The following PIP4K2A variants were observed in gnomAD, a reference collection of about 807,000 sequenced individuals.
PIP4K2A encodes the protein phosphatidylinositol 5-phosphate 4-kinase type-2 alpha.
In PIP4K2A, 14 loss-of-function variants were observed where a neutral mutation model predicts 42.9. That is an observed-to-expected ratio of 0.33 (90% CI 0.22 to 0.51). The LOEUF (loss-of-function observed/expected upper bound fraction) is 0.51. Ranked by LOEUF, PIP4K2A falls within the 20% of genes least tolerant of loss-of-function variation. The pLI, the probability that PIP4K2A is intolerant of heterozygous loss-of-function variation, is 0.97. For synonymous variants in PIP4K2A, 192 were observed against 192.2 expected, an observed-to-expected ratio of 1.00 and a Z score of 0.01; for missense variants, 434 against 519.8, an observed-to-expected ratio of 0.83 and a Z score of 1.61.
In PIP4K2A at chr10:22,536,254, G is replaced by A; in HGVS notation, c.*947C>T. ...GATGCTTTGCTGGTTTTCCCACAGT[G>A]GGAGATGTAGATACCATTGCCCCAA... On this transcript the variant is annotated 3_prime_UTR_variant, in exon 10 of 10. Coordinates refer to ENST00000376573, the MANE Select transcript of PIP4K2A (RefSeq NM_005028.5). The A allele has an allele frequency of 5.0e-6, 2 of 396,916 alleles. No homozygotes were observed. The allele number at this position is 396,916 out of a possible 1,614,324, so 24.6% of individuals were successfully genotyped here. A position where few individuals can be genotyped will look rare whatever the true frequency, so the allele number is the denominator to read the frequency against.
rs566982299 is a variant in PIP4K2A at position 22,537,162 on chromosome 10, C to G, written c.*39G>C. The G allele has an allele frequency of 1.5e-5, 22 of 1,503,610 alleles. No homozygotes were observed. The South Asian group carries it at 2.4e-4, about 16-fold the overall frequency. 93.1% of individuals were successfully genotyped at this position (1,503,610 alleles called of 1,614,324 possible). On this transcript the variant is annotated 3_prime_UTR_variant, in exon 10 of 10. Coordinates refer to ENST00000376573, the MANE Select transcript of PIP4K2A (RefSeq NM_005028.5). ...TTTCCTACACCGAAGCCACCTCTGT[C>G]CATCCAATGTTCATGTCTGTCCGAG...
intron 1 of PIP4K2A, among the ~76,000 whole-genome samples, chr10:22,695,538 A>G (rs1814688600): frequency 6.6e-6 from 1 of 152,188 alleles, no homozygotes; most frequent in African/African-American, 2.4e-5. Flanking sequence ...ACAGAGAGAA[A>G]AATCCCCTAT....
At chr10:22,712,717 G>A (rs1411975067) in intron 1 of PIP4K2A, among the ~76,000 whole-genome samples, 1 of 152,126 alleles carries the variant, frequency 6.6e-6, no homozygotes, top group Non-Finnish European at 1.5e-5. Context: ...GAAGTTGCCA[G>A]GAAGTTAAAA....
At chr10:22,568,030 T>A in intron 5 of PIP4K2A, 141 bp from the exon 6 acceptor site, 1 of 758,508 alleles carries the variant, frequency 1.3e-6, no homozygotes, top group South Asian at 1.4e-5. Flanking sequence ...AATGGGCTTC[T>A]CATCCCTCCC....
chr10:22,695,288 T>C (rs552100410), intron 1 of PIP4K2A, among the ~76,000 whole-genome samples: 1 of 152,314 alleles, frequency 6.6e-6, no homozygotes, highest in South Asian at 2.1e-4. Flanking sequence ...AATTCAGTAG[T>C]ACACACAGGA....
At chr10:22,670,290 G>C (rs1284270667) in intron 1 of PIP4K2A, among the ~76,000 whole-genome samples, 1 of 152,094 alleles carries the variant, frequency 6.6e-6, no homozygotes, top group Non-Finnish European at 1.5e-5. Flanking sequence ...GAGGTGGGAG[G>C]ATCGCTTGAG....
At chr10:22,576,259 T>A (rs1000506190) in intron 4 of PIP4K2A, among the ~76,000 whole-genome samples, 5 of 152,172 alleles carry the variant, frequency 3.3e-5, no homozygotes, top group Non-Finnish European at 7.3e-5. Context: ...TGGAGGAACA[T>A]TTAACTGGGT....
In PIP4K2A at chr10:22,657,701, T is replaced by C. The variant is rs532397037; in HGVS notation, c.145-47984A>G. On this transcript the variant is annotated intron_variant, in intron 1 of 9. Coordinates refer to ENST00000376573, the MANE Select transcript of PIP4K2A (RefSeq NM_005028.5). ...TAAAACAAAGACTTGATGTCATAGC[T>C]TGAATTTTGGAAATGTGTCCTTATC... Among the ~76,000 whole-genome samples the C allele has an allele frequency of 2.5e-4, 38 of 152,370 alleles. No homozygotes were observed. In the South Asian group the frequency reaches 5.0e-3, roughly 20 times the overall value.
intron 1 of PIP4K2A, among the ~76,000 whole-genome samples, chr10:22,688,491 C>T (rs1434949353): frequency 6.6e-6 from 1 of 152,168 alleles, no homozygotes; most frequent in African/African-American, 2.4e-5. Flanking sequence ...CTTCCTCTGT[C>T]GCCCAGGCTG....
chr10:22,663,316 C>CT (rs1839244086), intron 1 of PIP4K2A, among the ~76,000 whole-genome samples: 1 of 152,224 alleles, frequency 6.6e-6, no homozygotes, highest in East Asian at 1.9e-4. Flanking sequence ...ATGCCAAGAA[C>CT]TGGCATACAA....
chr10:22,648,280 AAACTC>A (rs1393690010), intron 1 of PIP4K2A, among the ~76,000 whole-genome samples: 2 of 152,220 alleles, frequency 1.3e-5, no homozygotes, highest in African/African-American at 4.8e-5. Context: ...GACAACCAAA[AAACTC>A]AATTAAGGAC....
chr10:22,589,541 A>T (rs925051459), intron 4 of PIP4K2A, among the ~76,000 whole-genome samples: 2 of 152,264 alleles, frequency 1.3e-5, no homozygotes, highest in Non-Finnish European at 2.9e-5. Flanking sequence ...AAGTTTCAAG[A>T]AACAGAATAT....
intron 4 of PIP4K2A, among the ~76,000 whole-genome samples, chr10:22,581,243 C>T (rs1290231360): frequency 7.3e-5 from 11 of 151,096 alleles, no homozygotes; most frequent in South Asian, 2.1e-4. Context: ...CTAAGCCCTC[C>T]GCTCACATCA....
chr10:22,626,324 C>T (rs181728134), intron 1 of PIP4K2A, among the ~76,000 whole-genome samples: 24 of 152,072 alleles, frequency 1.6e-4, no homozygotes, highest in African/African-American at 5.8e-4. Context: ...TCATGTTTTC[C>T]TGGTGAGTTA....
At chr10:22,709,787 T>C (rs1265499429) in intron 1 of PIP4K2A, among the ~76,000 whole-genome samples, 1 of 152,030 alleles carries the variant, frequency 6.6e-6, no homozygotes, top group Non-Finnish European at 1.5e-5. Flanking sequence ...TTTTAAGGAG[T>C]ATAAAACGAC....
intron 5 of PIP4K2A, among the ~76,000 whole-genome samples, chr10:22,568,300 G>A (rs1490286892): frequency 6.6e-6 from 1 of 152,210 alleles, no homozygotes; most frequent in African/African-American, 2.4e-5. Context: ...GCTGGCTGCA[G>A]TGGGACCACA....
chr10:22,603,491 G>A (rs1225314067), intron 3 of PIP4K2A, among the ~76,000 whole-genome samples: 2 of 152,066 alleles, frequency 1.3e-5, no homozygotes, highest in Non-Finnish European at 2.9e-5. Flanking sequence ...GAGTATAAGA[G>A]ACTGGAAAGA....
intron 9 of PIP4K2A, 119 bp from the exon 10 acceptor site, chr10:22,537,400 C>G (rs1025476044): frequency 6.8e-6 from 5 of 736,644 alleles, no homozygotes; most frequent in Non-Finnish European, 1.2e-5. Context: ...ATTTTCAAAT[C>G]CATGCAGTCT....
intron 1 of PIP4K2A, among the ~76,000 whole-genome samples, chr10:22,634,500 T>C (rs1564450177): frequency 1.3e-5 from 2 of 152,248 alleles, no homozygotes; most frequent in African/African-American, 4.8e-5. Flanking sequence ...ATTCTGCATA[T>C]GTTACTGTTA....
Sources: gnomAD v4.1 joint callset for allele counts (sites outside exome capture counted in the v4.1 genomes callset) on GRCh38, gnomAD v4.1.1 for gene constraint, MANE v1.5 for transcripts, NCBI Gene and HGNC (gene_info 2026-07-23, HGNC 2026-07-21) for gene names.